PZP: variants seen among roughly 807,000 people sequenced by gnomAD.
PZP encodes the protein pregnancy zone protein.
Under a neutral mutation model 179.8 loss-of-function variants are expected in PZP, and 150 were observed. The ratio of observed to expected loss-of-function variants is 0.83; its 90% CI spans 0.73 to 0.96. The LOEUF is 0.96. PZP is among the 40% of genes least tolerant of loss of function. PZP has a pLI of 0.00. For missense variants in PZP, 1,689 were observed against 1,764.0 expected, an observed-to-expected ratio of 0.96 and a Z score of 0.76; for synonymous variants, 624 against 652.3, an observed-to-expected ratio of 0.96 and a Z score of 0.66.
rs3213831 is a variant in PZP, at chr12:9,164,177, T to C, written c.2570A>G (p.Asn857Ser). 680,678 of 1,609,658 alleles carry C rather than the reference T, an allele frequency of 0.42. 145,211 individuals carry two copies. The highest frequency in any genetic ancestry group is 0.46 in the East Asian group (20,530 of 44,832). ...TGTCCAAGACAAGGTTTGTCTCTCA[T>C]TTCCACAGATACAATAGGATTCTTC... ...KGEESYCICG[N>S]ERQTLSWTVT... Residue 857 changes from asparagine to serine, a missense_variant, in exon 20 of 36, where the codon AAT becomes AGT. Asn to Ser is a conservative substitution (Grantham distance 46, BLOSUM62 1). Transcript: ENST00000261336.
downstream of PZP, among the ~76,000 whole-genome samples, chr12:9,146,925 C>T (rs1018215217): frequency 4.2e-5 from 4 of 94,574 alleles, no homozygotes; most frequent in East Asian, 3.1e-4. Context: ...CAACTCTTTT[C>T]CCAGGCGGAA....
At chr12:9,172,467 TA>T (rs1363481860) in intron 15 of PZP, among the ~76,000 whole-genome samples, 3 of 152,144 alleles carry the variant, frequency 2.0e-5, no homozygotes, top group Non-Finnish European at 4.4e-5. Context: ...TGACAGGATC[TA>T]ATTCACCCAT....
chr12:9,182,726 T>C (rs536694888), intron 13 of PZP, among the ~76,000 whole-genome samples: 34 of 152,286 alleles, frequency 2.2e-4, no homozygotes, highest in Non-Finnish European at 4.7e-4. Context: ...GGCCACCAGG[T>C]AGCTACAAAA....
the PZP span, among the ~76,000 whole-genome samples, chr12:9,143,509 G>C: frequency 3.9e-3 from 595 of 152,218 alleles, 6 homozygotes; most frequent in South Asian, 0.025. Context: ...TTCAGAGGAA[G>C]GAGAAACCTG....
At chr12:9,197,438 G>A (rs773479538) in intron 7 of PZP, among the ~76,000 whole-genome samples, 3 of 128,852 alleles carry the variant, frequency 2.3e-5, no homozygotes, top group African/African-American at 9.2e-5. Context: ...ATTAATTATT[G>A]GAGTACTGCT....
rs981067632 is a variant in PZP at position 9,181,840 on chromosome 12, G to A, written c.1689+135C>T. On this transcript the variant is annotated intron_variant, in intron 14 of 35. Transcript: ENST00000261336. Reference sequence around the variant, plus strand: ...CTGTACTAGATCCCTAGAAATTTGGGTCTGCCATAAACTTGTTGGGAACTG... The same window carrying A: ...CTGTACTAGATCCCTAGAAATTTGGATCTGCCATAAACTTGTTGGGAACTG... The A allele has an allele frequency of 1.9e-5, 17 of 872,440 alleles. No homozygotes were observed. In the African/African-American group the frequency reaches 2.2e-4, roughly 11 times the overall value. The allele number at this position is 872,440 out of a possible 1,614,324, so 54.0% of individuals were successfully genotyped here. A position where few individuals can be genotyped will look rare whatever the true frequency, so the allele number is the denominator to read the frequency against.
At position 9,181,850 on chromosome 12, in the gene PZP, A is replaced by T. The variant is rs967397167; in HGVS notation, c.1689+125T>A. 8 of 1,068,690 alleles carry T rather than the reference A, an allele frequency of 7.5e-6. No homozygotes were observed. The African/African-American group carries it at 8.1e-5, about 11-fold the overall frequency. The allele number at this position is 1,068,690 out of a possible 1,614,324, so 66.2% of individuals were successfully genotyped here. A position where few individuals can be genotyped will look rare whatever the true frequency, so the allele number is the denominator to read the frequency against. ...TCCCTAGAAATTTGGGTCTGCCATAAACTTGTTGGGAACTGTTGGGCAACT... is the reference window on the plus strand; with the variant it reads ...TCCCTAGAAATTTGGGTCTGCCATATACTTGTTGGGAACTGTTGGGCAACT... On this transcript the variant is annotated intron_variant, in intron 14 of 35. Transcript: ENST00000261336.
chr12:9,192,455 T>C (rs551245101), intron 12 of PZP, 57 bp downstream of exon 12: 2 of 1,499,362 alleles, frequency 1.3e-6, no homozygotes, highest in Non-Finnish European at 9.3e-7. Context: ...CCTGAGCCTA[T>C]TGACCACTTT....
intron 7 of PZP, among the ~76,000 whole-genome samples, chr12:9,198,715 T>C (rs1943982871): frequency 6.6e-6 from 1 of 152,164 alleles, no homozygotes; most frequent in East Asian, 1.9e-4. Flanking sequence ...TGGACATTGG[T>C]TTTCTTTCCT....
chr12:9,144,404 G>C (rs1312772584), downstream of PZP, among the ~76,000 whole-genome samples: 1 of 152,164 alleles, frequency 6.6e-6, no homozygotes, highest in African/African-American at 2.4e-5. Context: ...GGCAAGATGG[G>C]GTGGTTGGCC....
At chr12:9,152,672 C>T (rs889113406) in intron 31 of PZP, 152 bp downstream of exon 31, 23 of 773,214 alleles carry the variant, frequency 3.0e-5, no homozygotes, top group Admixed American at 2.8e-4. Flanking sequence ...GAAAGGATCA[C>T]GTCATAATGA....
intron 35 of PZP, 70 bp from the exon 36 acceptor site, chr12:9,149,064 C>T: frequency 7.2e-7 from 1 of 1,397,128 alleles, no homozygotes; most frequent in Non-Finnish European, 1.0e-6. Context: ...GTGTGGGCAG[C>T]AGAGTGAGCT....
chr12:9,152,891 G>A lies in PZP; in HGVS notation c.4054C>T (p.Gln1352Ter), dbSNP rs1940464300. ...KEDSPFALKV[Q>*]TVPQTCDGHK... ...CCATCGCAAGTTTGGGGCACAGTCTGCACTTTTAAAGCAAATGGGGAGTCC... is the reference window on the plus strand; with the variant it reads ...CCATCGCAAGTTTGGGGCACAGTCTACACTTTTAAAGCAAATGGGGAGTCC... Residue 1352 changes from glutamine to a stop codon, truncating the protein, a stop_gained, in exon 31 of 36, where the codon CAG (glutamine) becomes TAG (stop). Transcript: ENST00000261336. LOFTEE classifies it high-confidence loss of function. 1.2e-6 allele frequency: 2 copies of A among 1,613,982 alleles called. No homozygotes were observed. The highest frequency in any genetic ancestry group is 2.7e-5 in the African/African-American group (2 of 74,896).
chr12:9,153,237 G>T lies in PZP; in HGVS notation c.3881C>A (p.Thr1294Lys), dbSNP rs140218967. 4 of 1,614,078 alleles carry T rather than the reference G, an allele frequency of 2.5e-6. No individual in the cohort carries two copies. The East Asian group carries it at 8.9e-5, about 36-fold the overall frequency. The change falls in exon 30 of 36, where the codon ACA (threonine) becomes AAA (lysine). Residue 1294 changes from threonine (T) to lysine (K), a missense_variant. By Grantham distance (78) the Thr-to-Lys change is moderately conservative. Around this residue, in one of 3 missense-constraint regions of PZP, gnomAD observed 746 missense variants for 749.2 expected, o/e 1.00. Coordinates refer to ENST00000261336, the MANE Select transcript of PZP (RefSeq NM_002864.3). ...GTTGTTGTTGTCTACTTGGAAATTT[G>T]TAGAAAAGGTCTGTGAATCCTGAAC... Reference protein sequence around the residue: ...VTVQDSQTFSTNFQVDNNNLL... With the variant: ...VTVQDSQTFSKNFQVDNNNLL...
At chr12:9,185,868 C>T (rs1592525410) in intron 13 of PZP, among the ~76,000 whole-genome samples, 1 of 138,086 alleles carries the variant, frequency 7.2e-6, no homozygotes, top group South Asian at 2.3e-4. Context: ...AGTGCAGTGG[C>T]ATGATCTCGG....
chr12:9,151,557 G>A, intron 33 of PZP, 47 bp downstream of exon 33: 1 of 1,517,928 alleles, frequency 6.6e-7, no homozygotes, highest in Non-Finnish European at 9.1e-7. Flanking sequence ...GACTCACTTA[G>A]AAAGACGACC....
chr12:9,139,956 A>G, the PZP span, among the ~76,000 whole-genome samples: 1 of 152,050 alleles, frequency 6.6e-6, no homozygotes, highest in African/African-American at 2.4e-5. Flanking sequence ...GGAGAAGTTT[A>G]TTGTGGGGTT....
chr12:9,194,505 C>T (rs1165918529), intron 10 of PZP, among the ~76,000 whole-genome samples: 1 of 149,694 alleles, frequency 6.7e-6, no homozygotes, highest in Non-Finnish European at 1.5e-5. Context: ...CGCTCTGTCG[C>T]CCAGGCTGGA....
chr12:9,192,266 A>G lies in PZP; in HGVS notation c.1483-10T>C, dbSNP rs764838026. On this transcript the variant is annotated splice_polypyrimidine_tract_variant and intron_variant, in intron 12 of 35. Coordinates refer to ENST00000261336, the MANE Select transcript of PZP (RefSeq NM_002864.3). The stretch of plus-strand genomic sequence containing the variant: ...CTCCCTTAGCCATGATCTGAAATGA[A>G]AAAACAGTGAAGGAAATTTCTTGAG... 5.6e-6 allele frequency: 9 copies of G among 1,613,454 alleles called. No homozygotes were observed. Among genetic ancestry groups the G allele is most frequent in the Non-Finnish European group, 6.8e-6 (8 of 1,179,540 alleles).
Sources: gnomAD v4.1 joint callset for allele counts (sites outside exome capture counted in the v4.1 genomes callset) on GRCh38, gnomAD v4.1.1 for gene constraint, gnomAD v4.1.1 regional missense constraint, MANE v1.5 for transcripts, NCBI Gene and HGNC (gene_info 2026-07-23, HGNC 2026-07-21) for gene names.